Variants in FGF14 observed in about 807,000 individuals in gnomAD.
FGF14 encodes the protein fibroblast growth factor homologous factor 4.
FGF14 carries 5 observed loss-of-function variants against 25.5 expected under a neutral mutation model. The observed-to-expected ratio is 0.20, with a 90% CI of 0.10 to 0.41. The LOEUF is 0.41. Ranked by LOEUF, FGF14 falls within the 10% of genes least tolerant of loss-of-function variation. The pLI, the probability that FGF14 is intolerant of heterozygous loss-of-function variation, is 1.00. For missense variants in FGF14, 222 were observed against 320.1 expected (o/e 0.69, Z 2.34); for synonymous variants, 138 against 118.3 (o/e 1.17, Z -1.08).
chr13:101,968,769 C>T (rs1044433152), intron 1 of FGF14, among the ~76,000 whole-genome samples: 2 of 150,756 alleles, frequency 1.3e-5, no homozygotes, highest in African/African-American at 4.9e-5. Flanking sequence ...AGTGTGAGAT[C>T]ATACAGCTGC....
chr13:101,892,784 C>A (rs546709582), intron 1 of FGF14, among the ~76,000 whole-genome samples: 34 of 152,276 alleles, frequency 2.2e-4, no homozygotes, highest in Non-Finnish European at 4.9e-4. Context: ...ATAACCATAT[C>A]TGGCCAAATA....
At chr13:102,388,160 T>C (rs1413971909) in intron 1 of FGF14, among the ~76,000 whole-genome samples, 2 of 152,134 alleles carry the variant, frequency 1.3e-5, no homozygotes, top group Admixed American at 6.5e-5. Flanking sequence ...TGCAGGGAAA[T>C]AAAATGCTGC....
At chr13:101,990,744 C>T (rs566298213) in intron 1 of FGF14, among the ~76,000 whole-genome samples, 1 of 152,180 alleles carries the variant, frequency 6.6e-6, no homozygotes, top group Non-Finnish European at 1.5e-5. Flanking sequence ...TGATAACATC[C>T]ATTAGCTACA....
chr13:101,727,528 A>G (rs1479365725), intron 3 of FGF14, among the ~76,000 whole-genome samples: 1 of 152,152 alleles, frequency 6.6e-6, no homozygotes, highest in East Asian at 1.9e-4. Context: ...CAGTTTGTTA[A>G]ATACTATTAT....
chr13:102,028,522 T>C (rs769164976), intron 1 of FGF14, among the ~76,000 whole-genome samples: 2 of 152,082 alleles, frequency 1.3e-5, no homozygotes, highest in Non-Finnish European at 2.9e-5. Flanking sequence ...AATGGTATTT[T>C]TGTTATAGCA....
intron 1 of FGF14, among the ~76,000 whole-genome samples, chr13:102,187,497 A>T (rs2048924094): frequency 6.6e-6 from 1 of 152,194 alleles, no homozygotes. Flanking sequence ...TTGCTAACTC[A>T]GTGCAACAGC....
intron 4 of FGF14, 135 bp from the exon 5 acceptor site, chr13:101,723,102 C>T: frequency 9.9e-7 from 1 of 1,014,206 alleles, no homozygotes; most frequent in Middle Eastern, 3.0e-4. Context: ...TCCATTGAGA[C>T]AGAATTCCTG....
intron 1 of FGF14, among the ~76,000 whole-genome samples, chr13:102,077,618 C>A (rs1437486971): frequency 6.6e-6 from 1 of 151,934 alleles, no homozygotes; most frequent in Non-Finnish European, 1.5e-5. Context: ...TTTTGGTGAT[C>A]AAAAAGATGA....
chr13:101,959,389 C>G (rs2036704808), intron 1 of FGF14, among the ~76,000 whole-genome samples: 1 of 152,066 alleles, frequency 6.6e-6, no homozygotes, highest in Admixed American at 6.6e-5. Context: ...TGTGTAGTAA[C>G]AAAATTTGTT....
intron 1 of FGF14, among the ~76,000 whole-genome samples, chr13:102,397,501 C>T (rs938690926): frequency 3.3e-5 from 5 of 152,158 alleles, no homozygotes; most frequent in Non-Finnish European, 7.3e-5. Context: ...ACACTGGGCA[C>T]TGACATTTGT....
intron 1 of FGF14, among the ~76,000 whole-genome samples, chr13:102,317,639 A>G (rs2056083769): frequency 6.6e-6 from 1 of 152,172 alleles, no homozygotes; most frequent in South Asian, 2.1e-4. Context: ...AACATACTTG[A>G]GAGGCTTGAG....
At chr13:102,287,784 G>T (rs1390474909) in intron 1 of FGF14, among the ~76,000 whole-genome samples, 1 of 152,138 alleles carries the variant, frequency 6.6e-6, no homozygotes, top group Non-Finnish European at 1.5e-5. Context: ...AGACAACTTT[G>T]GGGGGATAAT....
chr13:102,365,769 GTTATATATAGT>G (rs1400756783), intron 1 of FGF14, among the ~76,000 whole-genome samples: 1 of 151,818 alleles, frequency 6.6e-6, no homozygotes, highest in Non-Finnish European at 1.5e-5. Flanking sequence ...TATAATTATA[GTTATATATAGT>G]TTATATATAG....
At chr13:101,847,554 G>A (rs1451661051) in intron 3 of FGF14, among the ~76,000 whole-genome samples, 1 of 152,066 alleles carries the variant, frequency 6.6e-6, no homozygotes, top group Non-Finnish European at 1.5e-5. Context: ...AAGCATGTCT[G>A]TATAGACAAA....
At chr13:101,879,963 G>A (rs1436164034) in intron 1 of FGF14, among the ~76,000 whole-genome samples, 1 of 152,100 alleles carries the variant, frequency 6.6e-6, no homozygotes, top group East Asian at 1.9e-4. Context: ...AGAAAATAAA[G>A]GTGGGATAGG....
chr13:101,812,209 A>C (rs2041550007), intron 3 of FGF14, among the ~76,000 whole-genome samples: 1 of 152,168 alleles, frequency 6.6e-6, no homozygotes, highest in Non-Finnish European at 1.5e-5. Context: ...AAGATATTAC[A>C]GGATTGGAAA....
intron 1 of FGF14, among the ~76,000 whole-genome samples, chr13:102,008,999 T>C (rs1315588514): frequency 6.6e-6 from 1 of 152,168 alleles, no homozygotes; most frequent in Non-Finnish European, 1.5e-5. Flanking sequence ...TCAACTTGAA[T>C]ATTTGTTGGT....
At chr13:102,133,531 AAAGT>A (rs937970588) in intron 1 of FGF14, among the ~76,000 whole-genome samples, 7 of 152,256 alleles carry the variant, frequency 4.6e-5, no homozygotes, top group South Asian at 2.1e-4. Context: ...CATAATATGT[AAAGT>A]AAGAGACTTA....
intron 3 of FGF14, among the ~76,000 whole-genome samples, chr13:101,796,575 A>G (rs1323044362): frequency 2.0e-5 from 3 of 152,056 alleles, no homozygotes; most frequent in Non-Finnish European, 4.4e-5. Context: ...GGGCAATTAA[A>G]GACAAATACG....
Sources: gnomAD v4.1 joint callset for allele counts (sites outside exome capture counted in the v4.1 genomes callset) on GRCh38, gnomAD v4.1.1 for gene constraint, MANE v1.5 for transcripts, NCBI Gene and HGNC (gene_info 2026-07-23, HGNC 2026-07-21) for gene names.